CASZ1: variants seen among roughly 807,000 people sequenced by gnomAD.
CASZ1 encodes the protein castor zinc finger 1, also known as zinc finger protein castor homolog 1.
CASZ1 carries 28 observed loss-of-function variants against 135.2 expected under a neutral mutation model. The ratio of observed to expected loss-of-function variants is 0.21; its 90% CI spans 0.15 to 0.28. CASZ1 has a LOEUF of 0.28. Ranked by LOEUF, CASZ1 falls within the 10% of genes least tolerant of loss-of-function variation. The probability of loss-of-function intolerance (pLI) is 1.00; values close to 1 mark genes in which losing one functional copy is unlikely to be tolerated. For synonymous variants in CASZ1, 1,068 were observed against 1,073.4 expected, an observed-to-expected ratio of 0.99 and a Z score of 0.10; for missense variants, 2,161 against 2,453.3, an observed-to-expected ratio of 0.88 and a Z score of 2.52.
chr1:10,748,856 G>C (rs1205769698), intron 2 of CASZ1, among the ~76,000 whole-genome samples: 2 of 152,258 alleles, frequency 1.3e-5, no homozygotes, highest in African/African-American at 4.8e-5. Context: ...AAGCATGGAG[G>C]TCTTCTCGGC....
In CASZ1 at chr1:10,666,092, TTGTGCCAGCC is replaced by T. The variant is rs144526979; in HGVS notation, c.17-531_17-522del. Among the ~76,000 whole-genome samples, 222 of 152,226 alleles carry T rather than the reference TTGTGCCAGCC, an allele frequency of 1.5e-3. 4 individuals are homozygous for T. The East Asian group carries it at 0.037, about 26-fold the overall frequency. ...GAGTCACAGAGAGCCAGGGACCAGC[TTGTGCCAGCC>T]TCTTGCCTCACTGTCCCGGCAGCAC... is the stretch of plus-strand genomic sequence containing the variant. On this transcript the variant is annotated intron_variant, in intron 4 of 20. Transcript: ENST00000377022. The surrounding 1 kb of genome is among the most constrained non-coding windows in gnomAD (Gnocchi z 5.2).
chr1:10,765,856 C>T (rs902494999), intron 1 of CASZ1, among the ~76,000 whole-genome samples: 2 of 152,226 alleles, frequency 1.3e-5, no homozygotes, highest in African/African-American at 4.8e-5. Context: ...CTCCGTATCA[C>T]TCACCCCACA....
intron 2 of CASZ1, among the ~76,000 whole-genome samples, 193 bp downstream of exon 2, chr1:10,760,508 C>G (rs1034212590): frequency 6.6e-6 from 1 of 152,244 alleles, no homozygotes; most frequent in African/African-American, 2.4e-5. Flanking sequence ...GTGCCCTGCT[C>G]CCAGGCCAGA....
At chr1:10,786,515 C>T (rs554741357) in intron 1 of CASZ1, among the ~76,000 whole-genome samples, 2 of 152,332 alleles carry the variant, frequency 1.3e-5, no homozygotes, top group African/African-American at 2.4e-5. Flanking sequence ...CCTGATAAGC[C>T]GCAAGTGTTT....
chr1:10,694,037 C>G lies in CASZ1; in HGVS notation c.-23-125G>C. 1.2e-6 allele frequency: 1 copy of G among 822,084 alleles called. No homozygotes were observed. The highest frequency in any genetic ancestry group is 3.2e-5 in the East Asian group (1 of 31,046). 50.9% of individuals were successfully genotyped at this position (822,084 alleles called of 1,614,324 possible). ...AGGAGCGGCCCGTCCCGGGCGGGCG[C>G]CGAGGCCGCGGCGGAGAAACTTTCT... On this transcript the variant is annotated intron_variant, in intron 3 of 20. Transcript: ENST00000377022. This position sits in a 1 kb window ranked among gnomAD's most constrained non-coding sequence, Gnocchi z 6.6.
At position 10,638,786 on chromosome 1, in the gene CASZ1, G is replaced by T; in HGVS notation, c.*156C>A. ...GCCGCCGCCTGTGTCCTCGGCCGCG[G>T]AGCACCAGAGGGGTCCCCGCCTCTG... is the stretch of plus-strand genomic sequence containing the variant. On this transcript the variant is annotated 3_prime_UTR_variant, in exon 21 of 21. Coordinates refer to ENST00000377022, the MANE Select transcript of CASZ1 (RefSeq NM_001079843.3). The surrounding 1 kb of genome is among the most constrained non-coding windows in gnomAD (Gnocchi z 5.9). 1.4e-6 allele frequency: 1 copy of T among 727,648 alleles called. No homozygotes were observed. The highest frequency in any genetic ancestry group is 1.7e-6 in the Non-Finnish European group (1 of 594,766). 45.1% of individuals were successfully genotyped at this position (727,648 alleles called of 1,614,324 possible).
rs926054548 is a variant in CASZ1, at chr1:10,676,271, T to C, written c.17-10700A>G. On this transcript the variant is annotated intron_variant, in intron 4 of 20. Coordinates refer to ENST00000377022, the MANE Select transcript of CASZ1 (RefSeq NM_001079843.3). The surrounding 1 kb of genome is among the most constrained non-coding windows in gnomAD (Gnocchi z 4.5). ...CCCCGTCCCCCATGCTGCTTCTCAT[T>C]CCCTCTCCCGGAAGCCCTGGGCTCC... 1.3e-5 allele frequency among the ~76,000 whole-genome samples: 2 copies of C among 152,036 alleles called. No individual in the cohort carries two copies. The highest frequency in any genetic ancestry group is 2.9e-5 in the Non-Finnish European group (2 of 67,976).
rs370396707 is a variant in CASZ1, at chr1:10,739,842, A to T, written c.-77+20859T>A. 3.1e-4 allele frequency among the ~76,000 whole-genome samples: 47 copies of T among 152,152 alleles called. No homozygotes were observed. The East Asian group carries it at 8.7e-3, about 28-fold the overall frequency. On this transcript the variant is annotated intron_variant, in intron 2 of 20. Coordinates refer to ENST00000377022, the MANE Select transcript of CASZ1 (RefSeq NM_001079843.3). This position sits in a 1 kb window ranked among gnomAD's most constrained non-coding sequence, Gnocchi z 4.8. Reference sequence around the variant, plus strand: ...TGGCTCTTCCTTCCCCGCTGAAATGAGTTGAGGCTGAGACCTGGGAAGCCG... The same window carrying T: ...TGGCTCTTCCTTCCCCGCTGAAATGTGTTGAGGCTGAGACCTGGGAAGCCG...
chr1:10,652,428 A>G (rs892128906), intron 11 of CASZ1: 1 of 152,278 alleles, frequency 6.6e-6, no homozygotes, highest in African/African-American at 2.4e-5. Context: ...CCTGGCTCTC[A>G]GCAAGCATCA....
At chr1:10,690,673 C>T (rs1402825510) in intron 4 of CASZ1, among the ~76,000 whole-genome samples, 6 of 151,136 alleles carry the variant, frequency 4.0e-5, no homozygotes, top group South Asian at 2.1e-4. Flanking sequence ...TGTCCCTCAC[C>T]GGCACCCCCT....
rs369727848 is a variant in CASZ1, at chr1:10,761,810, C to T, written c.-233-953G>A. Among the ~76,000 whole-genome samples, 5 of 152,310 alleles carry T rather than the reference C, an allele frequency of 3.3e-5. No individual in the cohort carries two copies. In the East Asian group the frequency reaches 7.7e-4, roughly 24 times the overall value. On this transcript the variant is annotated intron_variant, in intron 1 of 20. Coordinates refer to ENST00000377022, the MANE Select transcript of CASZ1 (RefSeq NM_001079843.3). ...CCTCCCAGCCCTGGAAGCCCGGCCT[C>T]GTGGATGTGAGAATGGGGTGCTGAG...
Position 10,788,069 on chromosome 1 carries a change from C to A in CASZ1, c.-234+8495G>T, listed in dbSNP as rs545197487. Among the ~76,000 whole-genome samples, 76 of 152,326 alleles carry A rather than the reference C, an allele frequency of 5.0e-4. 1 individual carries two copies. The highest frequency in any genetic ancestry group is 2.4e-3 in the Admixed American group (36 of 15,306). On this transcript the variant is annotated intron_variant, in intron 1 of 20. Transcript: ENST00000377022. This position sits in a 1 kb window ranked among gnomAD's most constrained non-coding sequence, Gnocchi z 4.1. ...TTGCCTAAGACCGTTGCTCAAACATCTTAGAATCCCAGAGAACGTTAGCTG... is the reference window on the plus strand; with the variant it reads ...TTGCCTAAGACCGTTGCTCAAACATATTAGAATCCCAGAGAACGTTAGCTG...
chr1:10,736,517 C>T (rs1418842154), intron 2 of CASZ1, among the ~76,000 whole-genome samples: 2 of 152,166 alleles, frequency 1.3e-5, no homozygotes, highest in East Asian at 1.9e-4. Flanking sequence ...AGTCCCAGAC[C>T]CACACTTAAG....
chr1:10,760,108 G>A (rs1640344287), intron 2 of CASZ1, among the ~76,000 whole-genome samples: 1 of 152,140 alleles, frequency 6.6e-6, no homozygotes, highest in South Asian at 2.1e-4. Flanking sequence ...TCCAAGCCTG[G>A]GTCAAAAGGC....
intron 1 of CASZ1, among the ~76,000 whole-genome samples, chr1:10,795,170 G>A (rs1009264451): frequency 1.3e-5 from 2 of 149,528 alleles, no homozygotes; most frequent in Non-Finnish European, 3.0e-5. Context: ...CCCCTGCCCC[G>A]GGAGATCCCT....
intron 1 of CASZ1, among the ~76,000 whole-genome samples, chr1:10,780,488 G>A (rs946060155): frequency 2.0e-5 from 3 of 152,170 alleles, no homozygotes; most frequent in Admixed American, 2.0e-4. Context: ...CCCAGCTCAG[G>A]AGACCCTCCT....
chr1:10,703,401 CCT>C (rs1639104597), intron 3 of CASZ1, among the ~76,000 whole-genome samples: 1 of 152,138 alleles, frequency 6.6e-6, no homozygotes, highest in South Asian at 2.1e-4. Context: ...CAGTCTCAGA[CCT>C]GGACTACCCC....
chr1:10,754,590 C>T (rs913936082), intron 2 of CASZ1, among the ~76,000 whole-genome samples: 23 of 152,196 alleles, frequency 1.5e-4, no homozygotes, highest in African/African-American at 4.8e-4. Context: ...CTCACACCCT[C>T]GTCCTAAGCA....
At chr1:10,716,058 C>A (rs1341178988) in intron 2 of CASZ1, among the ~76,000 whole-genome samples, 2 of 143,032 alleles carry the variant, frequency 1.4e-5, no homozygotes, top group South Asian at 2.3e-4. Context: ...CCAATCCGCA[C>A]CCCACAGCAC....
Sources: gnomAD v4.1 joint callset for allele counts (sites outside exome capture counted in the v4.1 genomes callset) on GRCh38, gnomAD v4.1.1 for gene constraint, Gnocchi (gnomAD v3.1) non-coding constraint, MANE v1.5 for transcripts, NCBI Gene and HGNC (gene_info 2026-07-23, HGNC 2026-07-21) for gene names.